CDH9: variants seen among roughly 807,000 people sequenced by gnomAD.
CDH9 encodes the protein cadherin-9.
In CDH9, 28 loss-of-function variants were observed where a neutral mutation model predicts 70.9. The ratio of observed to expected loss-of-function variants is 0.40; its 90% CI spans 0.29 to 0.54. The LOEUF (loss-of-function observed/expected upper bound fraction) is 0.54, where lower values mean the gene tolerates loss of function less well. Ranked by LOEUF, CDH9 falls within the 20% of genes least tolerant of loss-of-function variation. The pLI, the probability that CDH9 is intolerant of heterozygous loss-of-function variation, is 0.59. For synonymous variants in CDH9, 409 were observed against 343.1 expected (o/e 1.19, Z -2.12); for missense variants, 874 against 984.4 (o/e 0.89, Z 1.50).
chr5:27,038,201 T>C (rs1285755770), intron 1 of CDH9, among the ~76,000 whole-genome samples: 1 of 151,964 alleles, frequency 6.6e-6, no homozygotes, highest in Non-Finnish European at 1.5e-5. Flanking sequence ...TATGCAAATA[T>C]GAGGACTATA....
rs140111790 is a variant in CDH9 at position 26,927,264 on chromosome 5, G to T, written c.229-11340C>A. 5.0e-3 allele frequency among the ~76,000 whole-genome samples: 767 copies of T among 152,080 alleles called. 4 individuals are homozygous for T. The highest frequency in any genetic ancestry group is 0.018 in the African/African-American group (731 of 41,520). ...AAAAAAACATACTTTAACACAACAT[G>T]AGCCATATATGAAAGATCCCCAGCT... On this transcript the variant is annotated intron_variant, in intron 2 of 11. Transcript: ENST00000231021.
chr5:26,887,375 T>C (rs1740582991), intron 9 of CDH9, among the ~76,000 whole-genome samples: 1 of 151,160 alleles, frequency 6.6e-6, no homozygotes, highest in South Asian at 2.1e-4. Context: ...ATGAGCTTTG[T>C]ATAAGTATAT....
intron 1 of CDH9, among the ~76,000 whole-genome samples, chr5:26,998,080 G>C (rs1337612240): frequency 6.6e-6 from 1 of 152,086 alleles, no homozygotes; most frequent in East Asian, 1.9e-4. Context: ...GCATGAAATT[G>C]GACTATAATA....
chr5:27,005,368 G>A (rs1328803393), intron 1 of CDH9, among the ~76,000 whole-genome samples: 1 of 151,962 alleles, frequency 6.6e-6, no homozygotes, highest in Non-Finnish European at 1.5e-5. Context: ...AACATGAACT[G>A]ACACTTCTCA....
At chr5:26,954,388 C>CTTTTTCTTT (rs1554000195) in intron 2 of CDH9, among the ~76,000 whole-genome samples, 1 of 93,066 alleles carries the variant, frequency 1.1e-5, no homozygotes, top group African/African-American at 4.7e-5. Flanking sequence ...TACAGCCTTT[C>CTTTTTCTTT]TTTTTTTTTT....
At chr5:26,975,946 A>G (rs1742297350) in intron 2 of CDH9, among the ~76,000 whole-genome samples, 1 of 152,176 alleles carries the variant, frequency 6.6e-6, no homozygotes, top group Admixed American at 6.5e-5. Flanking sequence ...GGAAGGCACG[A>G]TCTTAGAGAG....
chr5:26,881,208 G>A lies in CDH9; in HGVS notation c.2298C>T (p.Tyr766=). Residue 766 remains tyrosine, a synonymous_variant, in exon 12 of 12, where the codon TAC becomes TAT. Coordinates refer to ENST00000231021, the MANE Select transcript of CDH9 (RefSeq NM_016279.4). ...TGAAACGAGGCCCCCAGTCACTGAG[G>A]TAATCATAATCTTGGTTACAATCAG... is the stretch of plus-strand genomic sequence containing the variant. ...LTADCNQDYD[Y]LSDWGPRFKK... 1 of 1,613,014 alleles carries A rather than the reference G, an allele frequency of 6.2e-7. No individual in the cohort carries two copies. Among genetic ancestry groups the A allele is most frequent in the Non-Finnish European group, 8.5e-7 (1 of 1,179,200 alleles).
At chr5:26,887,310 C>T (rs1177762317) in intron 9 of CDH9, among the ~76,000 whole-genome samples, 8 of 151,566 alleles carry the variant, frequency 5.3e-5, no homozygotes, top group Non-Finnish European at 5.9e-5. Flanking sequence ...TAATTTAAAT[C>T]ATAAAAAGTT....
At chr5:27,007,334 G>A (rs1057254339) in intron 1 of CDH9, among the ~76,000 whole-genome samples, 2 of 152,220 alleles carry the variant, frequency 1.3e-5, no homozygotes, top group South Asian at 4.1e-4. Flanking sequence ...GGGAGGGGAG[G>A]ATGGCAATGG....
chr5:26,967,006 C>G (rs959760292), intron 2 of CDH9, among the ~76,000 whole-genome samples: 1 of 152,126 alleles, frequency 6.6e-6, no homozygotes, highest in Non-Finnish European at 1.5e-5. Context: ...GATCACAGCT[C>G]GTTGCAGCCT....
At chr5:26,898,080 C>G (rs1740784134) in intron 7 of CDH9, among the ~76,000 whole-genome samples, 1 of 152,018 alleles carries the variant, frequency 6.6e-6, no homozygotes, top group South Asian at 2.1e-4. Flanking sequence ...ACAATCACTA[C>G]AAAGAGAATA....
At chr5:26,946,036 C>T (rs1741746664) in intron 2 of CDH9, among the ~76,000 whole-genome samples, 1 of 152,066 alleles carries the variant, frequency 6.6e-6, no homozygotes, top group Admixed American at 6.6e-5. Flanking sequence ...CTTAGGATTG[C>T]TATTTTAAAT....
chr5:26,911,295 C>G (rs1174495592), intron 3 of CDH9, among the ~76,000 whole-genome samples: 1 of 152,062 alleles, frequency 6.6e-6, no homozygotes, highest in Non-Finnish European at 1.5e-5. Flanking sequence ...AGGTCAAAGT[C>G]CATTATAAAT....
Position 26,903,811 on chromosome 5 carries a change from A to C in CDH9, c.825T>G (p.Phe275Leu). ...PPRFPQSTYQ[F>L]NSPESVPLGT... Reference sequence around the variant, plus strand: ...CAAGAGGTACAGACTCAGGAGAATTAAATTGATACGTACCTATAAATTAAG... The same window carrying C: ...CAAGAGGTACAGACTCAGGAGAATTCAATTGATACGTACCTATAAATTAAG... Residue 275 changes from phenylalanine to leucine, a missense_variant, in exon 6 of 12, where the codon TTT (phenylalanine) becomes TTG (leucine). By Grantham distance (22) the Phe-to-Leu change is conservative. Transcript: ENST00000231021. 6.4e-7 allele frequency: 1 copy of C among 1,563,264 alleles called. No individual in the cohort carries two copies. Among genetic ancestry groups the C allele is most frequent in the South Asian group, 1.2e-5 (1 of 82,952 alleles).
At chr5:27,018,976 G>A (rs1579516199) in intron 1 of CDH9, among the ~76,000 whole-genome samples, 1 of 151,860 alleles carries the variant, frequency 6.6e-6, no homozygotes, top group Non-Finnish European at 1.5e-5. Flanking sequence ...AGTAAAATAC[G>A]TTTTTATTAT....
At chr5:26,983,543 T>C (rs919339) in intron 2 of CDH9, among the ~76,000 whole-genome samples, 71,552 of 151,586 alleles carry the variant, frequency 0.47, 17,666 homozygotes, top group African/African-American at 0.52. Flanking sequence ...GAATTCAGTG[T>C]TAAACTCGCC....
chr5:26,926,266 G>T (rs554560869), intron 2 of CDH9, among the ~76,000 whole-genome samples: 127 of 147,784 alleles, frequency 8.6e-4, no homozygotes, highest in African/African-American at 2.9e-3. Flanking sequence ...AAATCAACGT[G>T]CAAAAATCAC....
intron 2 of CDH9, among the ~76,000 whole-genome samples, chr5:26,965,766 T>C (rs2112067324): frequency 6.6e-6 from 1 of 151,976 alleles, no homozygotes; most frequent in Non-Finnish European, 1.5e-5. Context: ...AGAGCCAGAG[T>C]ACTAGATTAC....
intron 1 of CDH9, among the ~76,000 whole-genome samples, chr5:26,993,920 C>T (rs751322945): frequency 6.6e-6 from 1 of 151,940 alleles, no homozygotes; most frequent in Non-Finnish European, 1.5e-5. Context: ...GACCACTGCC[C>T]CAGTGGACTT....
Sources: gnomAD v4.1 joint callset for allele counts (sites outside exome capture counted in the v4.1 genomes callset) on GRCh38, gnomAD v4.1.1 for gene constraint, MANE v1.5 for transcripts, NCBI Gene and HGNC (gene_info 2026-07-23, HGNC 2026-07-21) for gene names.